ANKFN1: variants seen among roughly 807,000 people sequenced by gnomAD.
ANKFN1 encodes ankyrin repeat and fibronectin type-III domain-containing protein 1.
In ANKFN1, 74 loss-of-function variants were observed where a neutral mutation model predicts 108.7. The observed-to-expected ratio is 0.68, with a 90% confidence interval of 0.56 to 0.83. The LOEUF (loss-of-function observed/expected upper bound fraction) is 0.83. Among genes scored for constraint, ANKFN1 ranks in the 40% least tolerant of loss-of-function variants. ANKFN1 has a pLI of 0.00. For synonymous variants in ANKFN1, 547 were observed against 516.2 expected (o/e 1.06, Z -0.81); for missense variants, 1,505 against 1,382.3 (o/e 1.09, Z -1.41).
intron 8 of ANKFN1, among the ~76,000 whole-genome samples, chr17:56,428,044 C>A (rs935163109): frequency 1.3e-5 from 2 of 151,916 alleles, no homozygotes; most frequent in Non-Finnish European, 2.9e-5. Context: ...ACCAGCCTGG[C>A]CAACATGATG....
At chr17:56,206,295 A>C (rs886459140) in intron 1 of ANKFN1, among the ~76,000 whole-genome samples, 1 of 152,076 alleles carries the variant, frequency 6.6e-6, no homozygotes, top group African/African-American at 2.4e-5. Context: ...CCATTATATC[A>C]TGAGCTTTTC....
intron 8 of ANKFN1, among the ~76,000 whole-genome samples, chr17:56,376,741 G>C (rs2046958837): frequency 6.6e-6 from 1 of 152,142 alleles, no homozygotes; most frequent in Non-Finnish European, 1.5e-5. Flanking sequence ...TGAAATGAAA[G>C]GTCACAAGTG....
At chr17:56,433,736 C>G (rs1158828480) in intron 8 of ANKFN1, among the ~76,000 whole-genome samples, 1 of 151,960 alleles carries the variant, frequency 6.6e-6, no homozygotes, top group Non-Finnish European at 1.5e-5. Flanking sequence ...GTGTATACTG[C>G]CCGGGTGATG....
intron 4 of ANKFN1, among the ~76,000 whole-genome samples, chr17:56,133,682 G>A (rs1807536499): frequency 6.6e-6 from 1 of 151,922 alleles, no homozygotes; most frequent in Non-Finnish European, 1.5e-5. Context: ...ACCCACGAAT[G>A]TCATTTTCTC....
At chr17:56,276,073 G>A (rs2043924369) in intron 3 of ANKFN1, among the ~76,000 whole-genome samples, 1 of 151,748 alleles carries the variant, frequency 6.6e-6, no homozygotes, top group South Asian at 2.1e-4. Flanking sequence ...GTGTCCATGT[G>A]TTTTCATTGT....
rs149857313 is a variant in ANKFN1, at chr17:56,198,586, C to T, written c.-70-14012C>T. ...GGGACCCCTGAGCTAAACATTTGTC[C>T]TTATTTTCTTCTTTTTGGTTTTATT... On this transcript the variant is annotated intron_variant, in intron 1 of 20. Transcript: ENST00000682825. Among the ~76,000 whole-genome samples, 23 of 152,262 alleles carry T rather than the reference C, an allele frequency of 1.5e-4. No individual in the cohort carries two copies. In the East Asian group the frequency reaches 3.3e-3, roughly 22 times the overall value.
chr17:56,056,480 A>T (rs964924082), intron 4 of ANKFN1, among the ~76,000 whole-genome samples: 4 of 152,190 alleles, frequency 2.6e-5, no homozygotes, highest in African/African-American at 9.6e-5. Flanking sequence ...ATAGACACAT[A>T]GATCAATGGG....
chr17:56,255,219 C>A (rs1161240993), intron 3 of ANKFN1, among the ~76,000 whole-genome samples: 1 of 152,182 alleles, frequency 6.6e-6, no homozygotes, highest in Non-Finnish European at 1.5e-5. Context: ...TGTATCTCCA[C>A]AGTCCTTGAA....
chr17:56,244,341 A>G (rs1917807571), intron 3 of ANKFN1, among the ~76,000 whole-genome samples: 1 of 152,116 alleles, frequency 6.6e-6, no homozygotes, highest in African/African-American at 2.4e-5. Context: ...CTGTAAGGGA[A>G]TATTTCCTCA....
At chr17:56,246,332 A>C (rs188093433) in intron 3 of ANKFN1, among the ~76,000 whole-genome samples, 1 of 152,252 alleles carries the variant, frequency 6.6e-6, no homozygotes, top group East Asian at 1.9e-4. Flanking sequence ...TCATCTCCTA[A>C]GAAAATAATC....
Position 56,477,649 on chromosome 17 carries a change from T to G in ANKFN1, c.1935T>G (p.Ile645Met), listed in dbSNP as rs753393744. Residue 645 changes from isoleucine (I) to methionine (M), a missense_variant, in exon 16 of 21, where the codon ATT (isoleucine) becomes ATG (methionine). Ile to Met is a conservative substitution (Grantham distance 10). Transcript: ENST00000682825. The stretch of plus-strand genomic sequence containing the variant: ...TGAAGATCCGTGAAAACAATAATAT[T>G]TCTAGGTAAGTGATCAGGAGTTAAG... ...CHVKIRENNN[I>M]SREEWEWIQK... The G allele has an allele frequency of 6.2e-7, 1 of 1,612,320 alleles. No individual in the cohort carries two copies. Among genetic ancestry groups the G allele is most frequent in the Non-Finnish European group, 8.5e-7 (1 of 1,179,376 alleles).
chr17:56,426,122 T>G (rs1276171185), intron 8 of ANKFN1, among the ~76,000 whole-genome samples: 2 of 152,242 alleles, frequency 1.3e-5, no homozygotes, highest in African/African-American at 4.8e-5. Flanking sequence ...TTCCCTCCAA[T>G]AAGTCCACAT....
intron 4 of ANKFN1, among the ~76,000 whole-genome samples, chr17:56,054,530 A>G (rs1904832272): frequency 6.6e-6 from 1 of 152,194 alleles, no homozygotes; most frequent in South Asian, 2.1e-4. Flanking sequence ...GTGCCTATAA[A>G]AGTTATATTT....
chr17:56,335,612 T>G (rs1223440296), intron 4 of ANKFN1, among the ~76,000 whole-genome samples: 1 of 152,234 alleles, frequency 6.6e-6, no homozygotes, highest in African/African-American at 2.4e-5. Flanking sequence ...AAGGAGATTT[T>G]GGGCTGAGAT....
At chr17:56,140,127 C>T (rs1004432954) in intron 4 of ANKFN1, among the ~76,000 whole-genome samples, 1 of 152,226 alleles carries the variant, frequency 6.6e-6, no homozygotes, top group Non-Finnish European at 1.5e-5. Flanking sequence ...CATTACTGAT[C>T]TTTCTAGAAC....
At position 56,105,804 on chromosome 17, in the gene ANKFN1, A is replaced by G. The variant is rs1598096495; in HGVS notation, c.288+59479A>G. ...AGTGAACTGAGTCAGAAAGCCTTAGATCAGTGGTTCTCAGCCAGACTTAGT... is the reference window on the plus strand; with the variant it reads ...AGTGAACTGAGTCAGAAAGCCTTAGGTCAGTGGTTCTCAGCCAGACTTAGT... On this transcript the variant is annotated intron_variant, in intron 4 of 12. Coordinates refer to the ANKFN1 transcript ENST00000635860. 4.6e-5 allele frequency among the ~76,000 whole-genome samples: 7 copies of G among 151,494 alleles called. No homozygotes were observed. The South Asian group carries it at 1.5e-3, about 32-fold the overall frequency.
At chr17:56,344,671 A>T (rs1387256900) in intron 4 of ANKFN1, among the ~76,000 whole-genome samples, 5 of 151,974 alleles carry the variant, frequency 3.3e-5, no homozygotes, top group Non-Finnish European at 4.4e-5. Context: ...GGAAAGAAAA[A>T]AAAACAACAG....
At chr17:56,500,366 C>T (rs2051329804) in intron 20 of ANKFN1, among the ~76,000 whole-genome samples, 1 of 150,776 alleles carries the variant, frequency 6.6e-6, no homozygotes. Context: ...AGCTAATTTA[C>T]ATTACCAAAG....
intron 1 of ANKFN1, among the ~76,000 whole-genome samples, chr17:56,166,168 A>G (rs1316171702): frequency 5.3e-5 from 8 of 152,176 alleles, no homozygotes; most frequent in Admixed American, 5.2e-4. Flanking sequence ...CAGTTATGCT[A>G]CAATGTAACC....
Sources: allele counts gnomAD v4.1 joint callset (sites outside exome capture counted in the v4.1 genomes callset), GRCh38; gene constraint gnomAD v4.1.1; transcripts MANE v1.5; gene names NCBI Gene and HGNC (gene_info 2026-07-23, HGNC 2026-07-21).